LYN: variants seen among roughly 807,000 people sequenced by gnomAD.
The protein encoded by LYN is tyrosine-protein kinase Lyn.
In LYN, 12 loss-of-function variants were observed where a neutral mutation model predicts 65.0. The ratio of observed to expected loss-of-function variants is 0.18; its 90% confidence interval spans 0.12 to 0.30. The LOEUF (loss-of-function observed/expected upper bound fraction) is 0.30. Ranked by LOEUF, LYN falls within the 10% of genes least tolerant of loss-of-function variation. The probability of loss-of-function intolerance (pLI) is 1.00; values close to 1 mark genes in which losing one functional copy is unlikely to be tolerated. For missense variants in LYN, 380 were observed against 623.2 expected, an observed-to-expected ratio of 0.61 and a Z score of 4.16; for synonymous variants, 222 against 221.2, an observed-to-expected ratio of 1.00 and a Z score of -0.03.
chr8:55,951,583 T>G (rs1238994463), intron 6 of LYN, among the ~76,000 whole-genome samples: 1 of 151,880 alleles, frequency 6.6e-6, no homozygotes. Flanking sequence ...AAAGATCGTT[T>G]GAGCCCAAGA....
chr8:55,899,825 A>G (rs1383405405), intron 1 of LYN, among the ~76,000 whole-genome samples: 1 of 151,780 alleles, frequency 6.6e-6, no homozygotes, highest in Non-Finnish European at 1.5e-5. Flanking sequence ...AATTTTTTGT[A>G]TTTTAGTAGA....
At chr8:55,993,063 G>A (rs1808291216) in intron 10 of LYN, among the ~76,000 whole-genome samples, 1 of 152,158 alleles carries the variant, frequency 6.6e-6, no homozygotes, top group South Asian at 2.1e-4. Flanking sequence ...AAAAATCTTA[G>A]ATATTACAAT....
At chr8:55,887,563 T>TAAAAAA (rs570936832) in intron 1 of LYN, among the ~76,000 whole-genome samples, 1 of 113,740 alleles carries the variant, frequency 8.8e-6, no homozygotes, top group Admixed American at 9.3e-5. Flanking sequence ...TATAAATATA[T>TAAAAAA]ATATATATAT....
At chr8:56,003,569 G>A (rs1808590541) in intron 12 of LYN, among the ~76,000 whole-genome samples, 1 of 152,140 alleles carries the variant, frequency 6.6e-6, no homozygotes, top group East Asian at 2.0e-4. Context: ...TTGAGAGGCT[G>A]AGGCAGAGAA....
intron 1 of LYN, among the ~76,000 whole-genome samples, chr8:55,940,669 C>T (rs1004105313): frequency 4.6e-5 from 7 of 152,174 alleles, no homozygotes; most frequent in African/African-American, 1.7e-4. Context: ...CCACCGCGCC[C>T]GGCTGTTTTG....
intron 1 of LYN, among the ~76,000 whole-genome samples, chr8:55,907,671 A>G (rs892393777): frequency 3.3e-5 from 5 of 152,130 alleles, no homozygotes; most frequent in African/African-American, 1.2e-4. Flanking sequence ...GTTCAAGACC[A>G]GCCTAGGCAA....
At chr8:55,910,590 A>T (rs1303529500) in intron 1 of LYN, among the ~76,000 whole-genome samples, 1 of 152,192 alleles carries the variant, frequency 6.6e-6, no homozygotes, top group African/African-American at 2.4e-5. Context: ...TGATGCCTCT[A>T]GCTTTGCTCC....
At chr8:55,959,817 A>T (rs1028660221) in intron 8 of LYN, among the ~76,000 whole-genome samples, 4 of 142,288 alleles carry the variant, frequency 2.8e-5, no homozygotes, top group African/African-American at 1.1e-4. Context: ...ATTTGGCAAT[A>T]AAAAAAAAAA....
Position 55,925,899 on chromosome 8 carries a change from C to G in LYN, c.-5-15956C>G, listed in dbSNP as rs551789554. ...AAAACCAACTCACCACAGAAGCATA[C>G]AAGTGTTTATGTAAAAATTTTTGAT... is the stretch of plus-strand genomic sequence containing the variant. On this transcript the variant is annotated intron_variant, in intron 1 of 12. Coordinates refer to ENST00000519728, the MANE Select transcript of LYN (RefSeq NM_002350.4). Among the ~76,000 whole-genome samples, 5 of 152,300 alleles carry G rather than the reference C, an allele frequency of 3.3e-5. No individual in the cohort carries two copies. In the East Asian group the frequency reaches 9.6e-4, roughly 29 times the overall value.
chr8:55,997,224 G>A (rs561016280), intron 10 of LYN, among the ~76,000 whole-genome samples: 137 of 152,086 alleles, frequency 9.0e-4, no homozygotes, highest in Non-Finnish European at 1.7e-3. Flanking sequence ...AGAGAACTTG[G>A]AGAGCCAGTT....
At chr8:55,954,455 A>G (rs58547202) in intron 8 of LYN, among the ~76,000 whole-genome samples, 6,264 of 152,300 alleles carry the variant, frequency 0.041, 458 homozygotes, top group African/African-American at 0.14. Context: ...AACATTAAGT[A>G]TTGCCTTCTC....
intron 9 of LYN, among the ~76,000 whole-genome samples, chr8:55,968,798 C>A (rs1168000610): frequency 6.6e-6 from 1 of 152,188 alleles, no homozygotes; most frequent in Non-Finnish European, 1.5e-5. Context: ...AGTACATGCC[C>A]ATTTTACAGA....
intron 1 of LYN, among the ~76,000 whole-genome samples, chr8:55,924,944 C>T (rs961956173): frequency 6.6e-6 from 1 of 151,174 alleles, no homozygotes; most frequent in East Asian, 2.0e-4. Context: ...CAGGTTCAAG[C>T]GATTTTCCTG....
intron 1 of LYN, among the ~76,000 whole-genome samples, chr8:55,884,490 C>T (rs1804735879): frequency 6.6e-6 from 1 of 151,980 alleles, no homozygotes; most frequent in South Asian, 2.1e-4. Context: ...AGAGTTCGCT[C>T]TTGTCACCCA....
At chr8:55,925,754 C>T (rs542701414) in intron 1 of LYN, among the ~76,000 whole-genome samples, 8 of 152,250 alleles carry the variant, frequency 5.3e-5, no homozygotes, top group Non-Finnish European at 8.8e-5. Flanking sequence ...ACACCCTGGA[C>T]GCTGGTGACT....
chr8:55,971,597 C>A (rs1807611337), intron 10 of LYN, among the ~76,000 whole-genome samples: 1 of 152,214 alleles, frequency 6.6e-6, no homozygotes, highest in Admixed American at 6.5e-5. Context: ...GATCTGTACC[C>A]ACAGTTCTTT....
intron 12 of LYN, among the ~76,000 whole-genome samples, chr8:56,004,683 G>A (rs1484980657): frequency 1.3e-5 from 2 of 152,100 alleles, no homozygotes; most frequent in African/African-American, 2.4e-5. Flanking sequence ...TTATTCTAGC[G>A]TTTGCTGCAT....
At chr8:55,880,408 CA>C (rs10712449) in intron 1 of LYN, among the ~76,000 whole-genome samples, 17,857 of 152,032 alleles carry the variant, frequency 0.12, 1,121 homozygotes, top group South Asian at 0.14. Context: ...GGGGCGGGCT[CA>C]CCGCGTGTCC....
chr8:55,999,617 T>G lies in LYN; in HGVS notation c.1336+68T>G, dbSNP rs913710933. 4.8e-6 allele frequency: 7 copies of G among 1,467,792 alleles called. No homozygotes were observed. The African/African-American group carries it at 9.8e-5, about 21-fold the overall frequency. The allele number at this position is 1,467,792 out of a possible 1,614,324, so 90.9% of individuals were successfully genotyped here. ...GAAAAAGTCAGGTTGCATGAAGGCA[T>G]TAAAAAGTAATAATTACTTCATCTA... is the stretch of plus-strand genomic sequence containing the variant. On this transcript the variant is annotated intron_variant, in intron 12 of 12. Transcript: ENST00000519728.
Sources: allele counts gnomAD v4.1 joint callset (sites outside exome capture counted in the v4.1 genomes callset), GRCh38; gene constraint gnomAD v4.1.1; transcripts MANE v1.5; gene names NCBI Gene and HGNC (gene_info 2026-07-23, HGNC 2026-07-21).